PIP4K2A: variants seen among roughly 807,000 people sequenced by gnomAD.
PIP4K2A encodes the protein phosphatidylinositol-5-phosphate 4-kinase type 2 alpha.
In PIP4K2A, 14 loss-of-function variants were observed where a neutral mutation model predicts 42.9. The observed-to-expected ratio is 0.33, with a 90% confidence interval of 0.22 to 0.51. PIP4K2A has a LOEUF of 0.51. Among genes scored for constraint, PIP4K2A ranks in the 20% least tolerant of loss-of-function variants. The pLI, the probability that PIP4K2A is intolerant of heterozygous loss-of-function variation, is 0.97. For synonymous variants in PIP4K2A, 192 were observed against 192.2 expected (o/e 1.00, Z 0.01); for missense variants, 434 against 519.8 (o/e 0.83, Z 1.61).
intron 1 of PIP4K2A, among the ~76,000 whole-genome samples, chr10:22,711,530 T>C (rs1330727617): frequency 6.6e-6 from 1 of 152,232 alleles, no homozygotes; most frequent in East Asian, 1.9e-4. Context: ...GAGTTAGACT[T>C]GGAAATCATC....
chr10:22,567,696 C>T (rs562848379), intron 6 of PIP4K2A, 155 bp downstream of exon 6: 16 of 778,642 alleles, frequency 2.1e-5, no homozygotes, highest in South Asian at 1.5e-4. Flanking sequence ...GAACTCTCAT[C>T]GGGTCAATAC....
At chr10:22,654,667 TG>T (rs1404447630) in intron 1 of PIP4K2A, among the ~76,000 whole-genome samples, 1 of 152,134 alleles carries the variant, frequency 6.6e-6, no homozygotes, top group Non-Finnish European at 1.5e-5. Flanking sequence ...GTCCAGCTGC[TG>T]GTCATGGTGG....
At chr10:22,681,461 T>C (rs1470311628) in intron 1 of PIP4K2A, among the ~76,000 whole-genome samples, 1 of 152,096 alleles carries the variant, frequency 6.6e-6, no homozygotes, top group Non-Finnish European at 1.5e-5. Context: ...ACTGTTTAAG[T>C]TTCAGAGTTT....
intron 1 of PIP4K2A, among the ~76,000 whole-genome samples, chr10:22,695,520 A>C (rs1485989196): frequency 6.6e-6 from 1 of 152,198 alleles, no homozygotes; most frequent in Non-Finnish European, 1.5e-5. Context: ...ATTTCCTAGG[A>C]GAGCTACACA....
At chr10:22,623,559 T>C (rs963549687) in intron 1 of PIP4K2A, among the ~76,000 whole-genome samples, 1 of 148,224 alleles carries the variant, frequency 6.7e-6, no homozygotes, top group African/African-American at 2.6e-5. Flanking sequence ...ATGAGCTGTA[T>C]ATTGGAAGGG....
intron 6 of PIP4K2A, among the ~76,000 whole-genome samples, chr10:22,560,081 C>A (rs1588625719): frequency 1.3e-5 from 2 of 152,174 alleles, no homozygotes; most frequent in East Asian, 3.8e-4. Flanking sequence ...CTTTCCCCTG[C>A]ACTTTGGGTA....
At chr10:22,624,746 G>T (rs530382325) in intron 1 of PIP4K2A, among the ~76,000 whole-genome samples, 2 of 152,158 alleles carry the variant, frequency 1.3e-5, no homozygotes, top group Non-Finnish European at 2.9e-5. Context: ...TCAACATTGA[G>T]TAAGAAATTA....
intron 1 of PIP4K2A, among the ~76,000 whole-genome samples, chr10:22,634,660 T>C (rs1020508090): frequency 2.0e-5 from 3 of 152,182 alleles, no homozygotes; most frequent in African/African-American, 7.2e-5. Flanking sequence ...AAGGTCCAAT[T>C]CTTCTCTCTT....
chr10:22,545,067 C>T (rs907582390), intron 7 of PIP4K2A, among the ~76,000 whole-genome samples: 2 of 152,230 alleles, frequency 1.3e-5, no homozygotes, highest in Non-Finnish European at 2.9e-5. Flanking sequence ...ACTGCATTCC[C>T]GAATCCCGGC....
chr10:22,558,055 A>G (rs1678308732), intron 6 of PIP4K2A, among the ~76,000 whole-genome samples: 2 of 152,188 alleles, frequency 1.3e-5, no homozygotes, highest in Admixed American at 1.3e-4. Flanking sequence ...TTGGCAACCT[A>G]TTTATTATTT....
At position 22,543,639 on chromosome 10, in the gene PIP4K2A, A is replaced by AC. The variant is rs1491587560; in HGVS notation, c.793-1593_793-1592insG. Among the ~76,000 whole-genome samples the AC allele has an allele frequency of 2.0e-5, 3 of 152,312 alleles. No individual in the cohort carries two copies. In the East Asian group the frequency reaches 5.8e-4, roughly 29 times the overall value. On this transcript the variant is annotated intron_variant, in intron 7 of 9. Coordinates refer to ENST00000376573, the MANE Select transcript of PIP4K2A (RefSeq NM_005028.5). ...TCTGCCAGATTCCTTTCCAGCAGTC[A>AC]GAGACTGCGCATCCTCCCCTAGAAT...
chr10:22,605,185 TTTTC>T (rs944839685), intron 3 of PIP4K2A, among the ~76,000 whole-genome samples: 17 of 151,090 alleles, frequency 1.1e-4, no homozygotes, highest in African/African-American at 3.0e-4. Flanking sequence ...AATACACACT[TTTTC>T]TTTCTTTTTT....
intron 1 of PIP4K2A, among the ~76,000 whole-genome samples, chr10:22,610,499 T>C (rs983103421): frequency 2.6e-5 from 4 of 152,216 alleles, no homozygotes; most frequent in Non-Finnish European, 5.9e-5. Flanking sequence ...TCCAGTAGGA[T>C]AGAAGGCAGG....
intron 1 of PIP4K2A, among the ~76,000 whole-genome samples, chr10:22,617,757 G>A (rs541053050): frequency 1.2e-4 from 18 of 152,110 alleles, no homozygotes; most frequent in Non-Finnish European, 2.2e-4. Context: ...GGCAGCATGA[G>A]CATGGGGGAA....
At chr10:22,621,738 A>C (rs1014804147) in intron 1 of PIP4K2A, among the ~76,000 whole-genome samples, 5 of 152,266 alleles carry the variant, frequency 3.3e-5, no homozygotes, top group African/African-American at 1.2e-4. Flanking sequence ...AAAACCTGTA[A>C]GACAATGGAG....
At chr10:22,577,873 C>T (rs1305683492) in intron 4 of PIP4K2A, among the ~76,000 whole-genome samples, 7 of 152,338 alleles carry the variant, frequency 4.6e-5, no homozygotes, top group East Asian at 3.9e-4. Flanking sequence ...CAGAGATGCA[C>T]GGTCTGGCAC....
chr10:22,536,457 G>C lies in PIP4K2A; in HGVS notation c.*744C>G, dbSNP rs1344133304. On this transcript the variant is annotated 3_prime_UTR_variant, in exon 10 of 10. Transcript: ENST00000376573. ...CACTGGGGCATCAGCTGCTTGTTGC[G>C]GGAGGGGTGGGGGCTCTGGACACCA... 1 of 204,660 alleles carries C rather than the reference G, an allele frequency of 4.9e-6. No individual in the cohort carries two copies. The highest frequency in any genetic ancestry group is 9.7e-6 in the Non-Finnish European group (1 of 103,130). The allele number at this position is 204,660 out of a possible 1,614,324, so 12.7% of individuals were successfully genotyped here.
intron 4 of PIP4K2A, among the ~76,000 whole-genome samples, chr10:22,590,944 G>A (rs548956141): frequency 2.2e-4 from 33 of 152,322 alleles, no homozygotes; most frequent in Middle Eastern, 3.4e-3. Flanking sequence ...ATTGTCCAAC[G>A]CTGGACTTCA....
At chr10:22,588,371 C>A (rs1837444398) in intron 4 of PIP4K2A, among the ~76,000 whole-genome samples, 1 of 151,000 alleles carries the variant, frequency 6.6e-6, no homozygotes, top group African/African-American at 2.5e-5. Flanking sequence ...GTCCCTGTGT[C>A]CGCTCTGTGG....
Sources: gnomAD v4.1 joint callset for allele counts (sites outside exome capture counted in the v4.1 genomes callset) on GRCh38, gnomAD v4.1.1 for gene constraint, MANE v1.5 for transcripts, NCBI Gene and HGNC (gene_info 2026-07-23, HGNC 2026-07-21) for gene names.